MAU2: variants seen among roughly 807,000 people sequenced by gnomAD.
MAU2 encodes the protein MAU2 sister chromatid cohesion factor.
A neutral mutation model predicts 89.1 loss-of-function variants in MAU2; 9 were observed. The observed-to-expected ratio is 0.10, with a 90% CI of 0.06 to 0.18. The LOEUF (loss-of-function observed/expected upper bound fraction) is 0.18. MAU2 is among the 10% of genes least tolerant of loss of function. The pLI is 1.00. For synonymous variants in MAU2, 357 were observed against 343.4 expected (o/e 1.04, Z -0.44); for missense variants, 425 against 803.5 (o/e 0.53, Z 5.69).
At chr19:19,348,393 A>T in intron 13 of MAU2, 1 of 203,528 alleles carries the variant, frequency 4.9e-6, no homozygotes, top group Non-Finnish European at 1.0e-5. Context: ...GCCCCGGCTT[A>T]GTCATCCGAT....
At chr19:19,347,099 A>C (rs2905421) in intron 12 of MAU2, 181 bp from the exon 13 acceptor site, 359,656 of 568,936 alleles carry the variant, frequency 0.63, 116,898 homozygotes, top group East Asian at 0.79. Context: ...TGATGGTTTT[A>C]TAATGAGAAG....
Position 19,341,386 on chromosome 19 carries a change from C to G in MAU2, c.714C>G (p.Thr238=), listed in dbSNP as rs747760948. 3 of 1,613,942 alleles carry G rather than the reference C, an allele frequency of 1.9e-6. No homozygotes were observed. The highest frequency in any genetic ancestry group is 1.7e-5 in the Admixed American group (1 of 60,020). The change falls in exon 7 of 19, where the codon ACC becomes ACG. Residue 238 remains threonine (T), a synonymous_variant. Coordinates refer to ENST00000262815, the MANE Select transcript of MAU2 (RefSeq NM_015329.4). ...TCTTCTTCCTGGTGCTCCAGGTCACCCACTATCTGGATGCCGGGCAGGTGT... is the reference window on the plus strand; with the variant it reads ...TCTTCTTCCTGGTGCTCCAGGTCACGCACTATCTGGATGCCGGGCAGGTGT... ...LRVFFLVLQV[T]HYLDAGQVKS...
In MAU2 at chr19:19,356,537, G is replaced by A. The variant is rs147799802; in HGVS notation, c.*755G>A. Reference sequence around the variant, plus strand: ...GGGAGCTGAGGCTCCTGTTGCACCAGCCACCTTCCCCCATCTTGTGGCTGC... The same window carrying A: ...GGGAGCTGAGGCTCCTGTTGCACCAACCACCTTCCCCCATCTTGTGGCTGC... On this transcript the variant is annotated 3_prime_UTR_variant, in exon 19 of 19. Transcript: ENST00000262815. 3.6e-3 allele frequency: 586 copies of A among 160,946 alleles called. 6 individuals carry two copies. Among genetic ancestry groups the A allele is most frequent in the African/African-American group, 0.013 (551 of 41,630 alleles). The allele number at this position is 160,946 out of a possible 1,614,324, so 10.0% of individuals were successfully genotyped here.
In MAU2 at chr19:19,341,194, G is replaced by A. The variant is rs113352876; in HGVS notation, c.580-58G>A. The A allele has an allele frequency of 1.0e-4, 158 of 1,559,734 alleles. 3 individuals carry two copies. The highest frequency in any genetic ancestry group is 7.7e-4 in the African/African-American group (57 of 74,276). On this transcript the variant is annotated intron_variant, in intron 6 of 18. Transcript: ENST00000262815. ...GGTGGGCAGGTGACCCTGTGCTCCCGGTCCTGGGAGGGCCCCTGCAAGCCC... is the reference window on the plus strand; with the variant it reads ...GGTGGGCAGGTGACCCTGTGCTCCCAGTCCTGGGAGGGCCCCTGCAAGCCC...
At chr19:19,343,458 G>A (rs552611481) in intron 9 of MAU2, among the ~76,000 whole-genome samples, 37 of 152,300 alleles carry the variant, frequency 2.4e-4, no homozygotes, top group South Asian at 6.2e-4. Context: ...GTTGGGAGGT[G>A]GGGCCCAGCC....
chr19:19,333,832 G>C lies in MAU2; in HGVS notation c.277-1886G>C, dbSNP rs78147685. 7.9e-5 allele frequency among the ~76,000 whole-genome samples: 12 copies of C among 152,362 alleles called. 1 individual carries two copies. In the East Asian group the frequency reaches 2.3e-3, roughly 29 times the overall value. ...GTGCCAGGCTTAGCTGCAGGTGCCAGGTTTGCACCTTGCTCACCCAGGCTG... is the reference window on the plus strand; with the variant it reads ...GTGCCAGGCTTAGCTGCAGGTGCCACGTTTGCACCTTGCTCACCCAGGCTG... On this transcript the variant is annotated intron_variant, in intron 1 of 18. Coordinates refer to ENST00000262815, the MANE Select transcript of MAU2 (RefSeq NM_015329.4).
chr19:19,321,479 A>C, intron 1 of MAU2: 1 of 252,004 alleles, frequency 4.0e-6, no homozygotes, highest in African/African-American at 2.3e-5. Context: ...TGGGGACATC[A>C]CAGGGTCCTG....
Position 19,343,828 on chromosome 19 carries a change from C to G in MAU2, c.974-9C>G. The stretch of plus-strand genomic sequence containing the variant: ...CCCCTGCATGCTTACCCCTGACTCT[C>G]ACCCATAGTGCTGGACTGCAGCCCC... On this transcript the variant is annotated splice_polypyrimidine_tract_variant and intron_variant, in intron 9 of 18. Coordinates refer to ENST00000262815, the MANE Select transcript of MAU2 (RefSeq NM_015329.4). 1 of 1,608,162 alleles carries G rather than the reference C, an allele frequency of 6.2e-7. No homozygotes were observed. The highest frequency in any genetic ancestry group is 2.2e-5 in the East Asian group (1 of 44,840).
At chr19:19,337,676 C>A (rs56304704) in intron 4 of MAU2, among the ~76,000 whole-genome samples, 5,131 of 152,256 alleles carry the variant, frequency 0.034, 308 homozygotes, top group African/African-American at 0.12. Flanking sequence ...TTAGGAGCTA[C>A]ACTGAGACTC....
intron 14 of MAU2, 64 bp downstream of exon 14, chr19:19,349,002 C>T (rs907909680): frequency 1.3e-6 from 2 of 1,584,854 alleles, no homozygotes; most frequent in African/African-American, 1.3e-5. Context: ...GGTTGGGGCC[C>T]CTGACTGCCC....
At chr19:19,355,118 CAG>C in intron 17 of MAU2, 144 bp from the exon 18 acceptor site, 2 of 1,042,710 alleles carry the variant, frequency 1.9e-6, no homozygotes, top group South Asian at 1.5e-5. Flanking sequence ...GATCCCAAGA[CAG>C]GGCTCAGGTC....
intron 5 of MAU2, among the ~76,000 whole-genome samples, chr19:19,340,571 T>G (rs1195383620): frequency 1.3e-5 from 2 of 148,486 alleles, no homozygotes; most frequent in East Asian, 2.0e-4. Context: ...CCTGGGAGGC[T>G]GAGCTTGCAG....
At chr19:19,335,047 C>T (rs11085259) in intron 1 of MAU2, among the ~76,000 whole-genome samples, 29,744 of 152,090 alleles carry the variant, frequency 0.2, 3,171 homozygotes, top group South Asian at 0.35. Context: ...CCTGGACTAG[C>T]CTGGGAACTG....
rs1039993393 is a variant in MAU2, at chr19:19,327,364, C to T, written c.276+6229C>T. Among the ~76,000 whole-genome samples, 5 of 149,278 alleles carry T rather than the reference C, an allele frequency of 3.3e-5. No homozygotes were observed. The South Asian group carries it at 6.4e-4, about 19-fold the overall frequency. On this transcript the variant is annotated intron_variant, in intron 1 of 18. Transcript: ENST00000262815. ...ATTTTGAGACAGAGTCTCGCTCTGT[C>T]GCCCAGGCTGGAGTGCAATGGCGCG...
chr19:19,351,456 G>A (rs545026820), intron 16 of MAU2, among the ~76,000 whole-genome samples: 50 of 150,348 alleles, frequency 3.3e-4, no homozygotes, highest in African/African-American at 1.2e-3. Flanking sequence ...GATCATTTGA[G>A]CGCAGGAATT....
At chr19:19,335,577 G>A in intron 1 of MAU2, 141 bp from the exon 2 acceptor site, 1 of 782,342 alleles carries the variant, frequency 1.3e-6, no homozygotes, top group East Asian at 2.5e-5. Context: ...TACCCTCTCA[G>A]GCCAAGCGGG....
intron 1 of MAU2, chr19:19,334,581 C>G (rs2061581502): frequency 1.0e-6 from 1 of 985,410 alleles, no homozygotes; most frequent in Admixed American, 6.1e-5. Flanking sequence ...CCAGGATGGT[C>G]TGAAAACTCC....
rs376100898 is a variant in MAU2 at position 19,355,785 on chromosome 19, C to G, written c.*3C>G. ...CCAGCCTGGCCAGCCTCCTGTGAGG[C>G]CTTGATGGGGCCATCCAGCTCCGCA... On this transcript the variant is annotated 3_prime_UTR_variant, in exon 19 of 19. Transcript: ENST00000262815. 21 of 1,605,834 alleles carry G rather than the reference C, an allele frequency of 1.3e-5. No individual in the cohort carries two copies. Among genetic ancestry groups the G allele is most frequent in the East Asian group, 2.2e-5 (1 of 44,890 alleles).
intron 2 of MAU2, 28 bp downstream of exon 2, chr19:19,335,763 C>T: frequency 6.2e-7 from 1 of 1,611,580 alleles, no homozygotes; most frequent in Non-Finnish European, 8.5e-7. Context: ...GTATGGTTCC[C>T]TTTAAGGAAT....
Sources: gnomAD v4.1 joint callset for allele counts (sites outside exome capture counted in the v4.1 genomes callset) on GRCh38, gnomAD v4.1.1 for gene constraint, MANE v1.5 for transcripts, NCBI Gene and HGNC (gene_info 2026-07-23, HGNC 2026-07-21) for gene names.